NCOA2: variants seen among roughly 807,000 people sequenced by gnomAD.
NCOA2 encodes the protein class E basic helix-loop-helix protein 75.
Under a neutral mutation model 145.1 loss-of-function variants are expected in NCOA2, and 21 were observed. The ratio of observed to expected loss-of-function variants is 0.14; its 90% confidence interval spans 0.10 to 0.21. The LOEUF is 0.21. Ranked by LOEUF, NCOA2 falls within the 10% of genes least tolerant of loss-of-function variation. NCOA2 has a pLI of 1.00. For missense variants in NCOA2, 1,472 were observed against 1,837.6 expected (o/e 0.80, Z 3.64); for synonymous variants, 619 against 637.5 (o/e 0.97, Z 0.44).
At chr8:70,380,324 G>A (rs1452267916) in intron 1 of NCOA2, among the ~76,000 whole-genome samples, 1 of 151,984 alleles carries the variant, frequency 6.6e-6, no homozygotes, top group Non-Finnish European at 1.5e-5. Context: ...CAGTTTTAGG[G>A]CAAACCTAAA....
chr8:70,439,208 T>A, the NCOA2 span, among the ~76,000 whole-genome samples: 2 of 152,234 alleles, frequency 1.3e-5, no homozygotes, highest in African/African-American at 2.4e-5. Flanking sequence ...TATGGAGTGC[T>A]ACTATGTCCA....
chr8:70,246,959 A>G (rs796717750), intron 2 of NCOA2, among the ~76,000 whole-genome samples: 3 of 152,334 alleles, frequency 2.0e-5, no homozygotes, highest in African/African-American at 7.2e-5. Context: ...AGAAAAACCA[A>G]GAATTATTAC....
chr8:70,417,153 A>C, the NCOA2 span, among the ~76,000 whole-genome samples: 2 of 150,750 alleles, frequency 1.3e-5, no homozygotes, highest in Non-Finnish European at 1.5e-5. Context: ...CATGCTTATA[A>C]TCCCAGAACT....
At chr8:70,286,648 C>T (rs759969641) in intron 2 of NCOA2, among the ~76,000 whole-genome samples, 3 of 151,968 alleles carry the variant, frequency 2.0e-5, no homozygotes, top group Non-Finnish European at 2.9e-5. Flanking sequence ...AAAAAGAAAA[C>T]GGCAGTTGTG....
chr8:70,291,412 G>T (rs1254532817), intron 2 of NCOA2, among the ~76,000 whole-genome samples: 1 of 152,098 alleles, frequency 6.6e-6, no homozygotes, highest in African/African-American at 2.4e-5. Flanking sequence ...GTCACACTTA[G>T]AAATTTTCAA....
chr8:70,146,740 C>T (rs1036499838), intron 12 of NCOA2, among the ~76,000 whole-genome samples: 4 of 151,948 alleles, frequency 2.6e-5, no homozygotes, highest in East Asian at 1.9e-4. Context: ...TTGTTGTCCA[C>T]GGTGGAGTGC....
chr8:70,239,310 TACA>T, intron 2 of NCOA2, among the ~76,000 whole-genome samples: 1 of 152,148 alleles, frequency 6.6e-6, no homozygotes, highest in African/African-American at 2.4e-5. Flanking sequence ...GATAAACATA[TACA>T]ACAACTTATC....
intron 19 of NCOA2, among the ~76,000 whole-genome samples, chr8:70,126,439 T>G (rs1315020953): frequency 6.6e-6 from 1 of 152,254 alleles, no homozygotes; most frequent in East Asian, 1.9e-4. Flanking sequence ...TTGATTTGTT[T>G]GAGTCAGACT....
chr8:70,276,970 A>G (rs1825515266), intron 2 of NCOA2, among the ~76,000 whole-genome samples: 1 of 152,226 alleles, frequency 6.6e-6, no homozygotes, highest in African/African-American at 2.4e-5. Context: ...ATAACATAAT[A>G]AAGTGTAAGT....
intron 2 of NCOA2, among the ~76,000 whole-genome samples, chr8:70,281,861 G>A (rs572355028): frequency 2.6e-5 from 4 of 152,220 alleles, no homozygotes; most frequent in Admixed American, 1.3e-4. Flanking sequence ...GATAAGTTAC[G>A]TTACCCCACT....
At chr8:70,323,979 C>G (rs552353304) in intron 1 of NCOA2, among the ~76,000 whole-genome samples, 5 of 152,144 alleles carry the variant, frequency 3.3e-5, no homozygotes, top group Middle Eastern at 3.2e-3. Flanking sequence ...CCAGCCCTTC[C>G]CCTACCCATT....
chr8:70,269,635 A>T (rs1296839008), intron 2 of NCOA2, among the ~76,000 whole-genome samples: 1 of 152,202 alleles, frequency 6.6e-6, no homozygotes, highest in Non-Finnish European at 1.5e-5. Flanking sequence ...TATGGAACAA[A>T]GTTGTGGCTT....
chr8:70,399,465 A>C (rs1479460810), intron 1 of NCOA2, among the ~76,000 whole-genome samples: 1 of 152,220 alleles, frequency 6.6e-6, no homozygotes, highest in African/African-American at 2.4e-5. Flanking sequence ...CTATGGAAAA[A>C]GATCCTGATT....
intron 22 of NCOA2, among the ~76,000 whole-genome samples, chr8:70,115,598 T>A (rs1412567013): frequency 6.6e-6 from 1 of 152,204 alleles, no homozygotes; most frequent in Non-Finnish European, 1.5e-5. Flanking sequence ...ACCATCATCA[T>A]CAACTAAAAG....
At position 70,162,856 on chromosome 8, in the gene NCOA2, T is replaced by C; in HGVS notation, c.833-2A>G. ...TGGTATCCAGAGACGTGATCTTGCC[T>C]ATTAAGTAACAGCAGGCATTATACC... On this transcript the variant is annotated splice_acceptor_variant, in intron 8 of 22. Coordinates refer to ENST00000452400, the MANE Select transcript of NCOA2 (RefSeq NM_006540.4). LOFTEE classifies it high-confidence loss of function. 1 of 1,610,824 alleles carries C rather than the reference T, an allele frequency of 6.2e-7. No homozygotes were observed. The highest frequency in any genetic ancestry group is 8.5e-7 in the Non-Finnish European group (1 of 1,178,884).
chr8:70,188,321 C>A lies in NCOA2; in HGVS notation c.260-13462G>T, dbSNP rs573099678. On this transcript the variant is annotated intron_variant, in intron 4 of 22. Transcript: ENST00000452400. ...GTGGCAGTTTGTCAGCTCTGTATTGCCAAGGAAAATATTTGGCTGCATATA... is the reference window on the plus strand; with the variant it reads ...GTGGCAGTTTGTCAGCTCTGTATTGACAAGGAAAATATTTGGCTGCATATA... 4.6e-5 allele frequency among the ~76,000 whole-genome samples: 7 copies of A among 152,288 alleles called. No homozygotes were observed. The South Asian group carries it at 1.4e-3, about 32-fold the overall frequency.
chr8:70,125,970 T>C (rs1808368113), intron 19 of NCOA2, among the ~76,000 whole-genome samples: 2 of 152,192 alleles, frequency 1.3e-5, no homozygotes, highest in Non-Finnish European at 2.9e-5. Flanking sequence ...AACATGCATA[T>C]TTAATTAATA....
intron 2 of NCOA2, among the ~76,000 whole-genome samples, chr8:70,248,859 A>G (rs1458938001): frequency 6.6e-6 from 1 of 151,278 alleles, no homozygotes; most frequent in African/African-American, 2.4e-5. Flanking sequence ...ACAGAGGGTG[A>G]CTGTATAGTA....
At chr8:70,170,120 A>G in intron 6 of NCOA2, 82 bp downstream of exon 6, 2 of 1,319,174 alleles carry the variant, frequency 1.5e-6, no homozygotes, top group East Asian at 4.9e-5. Flanking sequence ...TATTTGATCC[A>G]CTTCAACCAA....
Sources: gnomAD v4.1 joint callset for allele counts (sites outside exome capture counted in the v4.1 genomes callset) on GRCh38, gnomAD v4.1.1 for gene constraint, MANE v1.5 for transcripts, NCBI Gene and HGNC (gene_info 2026-07-23, HGNC 2026-07-21) for gene names.